Variants in PPAT observed in about 807,000 individuals in gnomAD.
PPAT encodes the protein amidophosphoribosyltransferase.
PPAT carries 20 observed loss-of-function variants against 60.2 expected under a neutral mutation model. That is an observed-to-expected ratio of 0.33 (90% CI 0.23 to 0.48). The LOEUF (loss-of-function observed/expected upper bound fraction) is 0.48. Ranked by LOEUF, PPAT falls within the 20% of genes least tolerant of loss-of-function variation. PPAT has a pLI of 0.99. For synonymous variants in PPAT, 194 were observed against 215.1 expected, an observed-to-expected ratio of 0.90 and a Z score of 0.86; for missense variants, 349 against 629.6, an observed-to-expected ratio of 0.55 and a Z score of 4.77.
intron 1 of PPAT, among the ~76,000 whole-genome samples, chr4:56,414,648 G>A (rs2110049263): frequency 6.6e-6 from 1 of 152,378 alleles, no homozygotes; most frequent in Non-Finnish European, 1.5e-5. Flanking sequence ...AGGTTGGAGA[G>A]AGAGCTTTTC....
chr4:56,409,473 T>A lies in PPAT; in HGVS notation c.129-1757A>T, dbSNP rs575309237. 1.5e-3 allele frequency among the ~76,000 whole-genome samples: 222 copies of A among 147,820 alleles called. 1 individual carries two copies. Among genetic ancestry groups the A allele is most frequent in the Middle Eastern group, 3.5e-3 (1 of 288 alleles). ...GCACTTTTGCTATTAGAAAAAAAAA[T>A]TTTGTTTCTGAAAACCCTCTGCTGA... is the stretch of plus-strand genomic sequence containing the variant. On this transcript the variant is annotated intron_variant, in intron 1 of 10. Transcript: ENST00000264220.
Position 56,422,445 on chromosome 4 carries a change from C to T in PPAT, c.128+12905G>A, listed in dbSNP as rs1364962654. ...ATACAGATAAAAAACAAGGTCTTGA[C>T]ACACATAAAATAATATTCTGGTTTT... On this transcript the variant is annotated intron_variant, in intron 1 of 10. Transcript: ENST00000264220. The T allele has an allele frequency of 3.4e-5, 5 of 147,316 alleles. No individual in the cohort carries two copies. In the East Asian group the frequency reaches 6.0e-4, roughly 18 times the overall value. 9.1% of individuals were successfully genotyped at this position (147,316 alleles called of 1,614,324 possible). A position where few individuals can be genotyped will look rare whatever the true frequency, so the allele number is the denominator to read the frequency against.
At chr4:56,414,353 G>A (rs1009145543) in intron 1 of PPAT, 10 of 152,178 alleles carry the variant, frequency 6.6e-5, no homozygotes, top group African/African-American at 2.4e-4. Context: ...CAAGTAGCCA[G>A]GACCAGAGCC....
At chr4:56,429,540 T>C (rs1489013002) in intron 1 of PPAT, among the ~76,000 whole-genome samples, 2 of 152,238 alleles carry the variant, frequency 1.3e-5, no homozygotes, top group East Asian at 3.9e-4. Context: ...CACATAAGAC[T>C]AATAAGAAAA....
intron 1 of PPAT, chr4:56,422,492 TG>T (rs1190492726): frequency 5.5e-4 from 78 of 141,078 alleles, no homozygotes; most frequent in African/African-American, 1.6e-3. Context: ...CGTGTGTGTG[TG>T]TGTGTGTGTG....
chr4:56,427,133 G>A (rs527628251), intron 1 of PPAT, among the ~76,000 whole-genome samples: 1 of 152,234 alleles, frequency 6.6e-6, no homozygotes, highest in South Asian at 2.1e-4. Flanking sequence ...ATCCATCGAT[G>A]GTTATCTGGG....
At chr4:56,429,366 C>T (rs1201296544) in intron 1 of PPAT, among the ~76,000 whole-genome samples, 1 of 152,028 alleles carries the variant, frequency 6.6e-6, no homozygotes, top group African/African-American at 2.4e-5. Flanking sequence ...GAAAAAAATC[C>T]ACAGTTCTTC....
intron 1 of PPAT, among the ~76,000 whole-genome samples, chr4:56,418,585 C>T (rs567714162): frequency 6.6e-6 from 1 of 152,300 alleles, no homozygotes; most frequent in African/African-American, 2.4e-5. Context: ...CCCCAAAGTA[C>T]TGGGATTACA....
At chr4:56,418,401 C>T (rs1028770054) in intron 1 of PPAT, among the ~76,000 whole-genome samples, 2 of 152,092 alleles carry the variant, frequency 1.3e-5, no homozygotes, top group African/African-American at 4.8e-5. Context: ...CCCATTGCAA[C>T]CTCCACCTCC....
chr4:56,412,028 C>T (rs996083731), intron 1 of PPAT, among the ~76,000 whole-genome samples: 2 of 152,126 alleles, frequency 1.3e-5, no homozygotes, highest in Non-Finnish European at 2.9e-5. Flanking sequence ...TAAACACCTT[C>T]GACTCTTCAT....
intron 1 of PPAT, chr4:56,420,294 T>A (rs1273690771): frequency 1.3e-5 from 2 of 152,324 alleles, no homozygotes; most frequent in Non-Finnish European, 2.9e-5. Context: ...ATTTTGTGCA[T>A]GAAACAAAGT....
At chr4:56,433,391 AT>A (rs1391853190) in intron 1 of PPAT, among the ~76,000 whole-genome samples, 1 of 129,964 alleles carries the variant, frequency 7.7e-6, no homozygotes, top group Non-Finnish European at 1.6e-5. Context: ...ATCAAATGGT[AT>A]TCATTAAAAA....
chr4:56,423,640 G>A (rs1578133289), intron 1 of PPAT, among the ~76,000 whole-genome samples: 1 of 149,888 alleles, frequency 6.7e-6, no homozygotes, highest in Admixed American at 6.8e-5. Flanking sequence ...AGAAGAAAAA[G>A]ATTAAGTCAA....
At position 56,403,073 on chromosome 4, in the gene PPAT, G is replaced by T; in HGVS notation, c.628C>A (p.Arg210Ser). Residue 210 changes from arginine to serine, a missense_variant, in exon 5 of 11, where the codon CGT becomes AGT. Arg to Ser is a moderately radical substitution (Grantham distance 110). Transcript: ENST00000264220. ...TTTATATCAGACACTGGAATAAGACGACCAATGCATAAGGGACGATTTCCA... is the reference window on the plus strand; with the variant it reads ...TTTATATCAGACACTGGAATAAGACTACCAATGCATAAGGGACGATTTCCA... ...PYGNRPLCIG[R>S]LIPVSDINDK... The T allele has an allele frequency of 4.3e-6, 7 of 1,610,814 alleles. No homozygotes were observed. The highest frequency in any genetic ancestry group is 5.9e-6 in the Non-Finnish European group (7 of 1,178,516).
chr4:56,406,494 C>T lies in PPAT; in HGVS notation c.402+1G>A. The T allele has an allele frequency of 6.2e-7, 1 of 1,609,782 alleles. No individual in the cohort carries two copies. The highest frequency in any genetic ancestry group is 8.5e-7 in the Non-Finnish European group (1 of 1,177,804). On this transcript the variant is annotated splice_donor_variant, in intron 3 of 10. Coordinates refer to ENST00000264220, the MANE Select transcript of PPAT (RefSeq NM_002703.5). LOFTEE classifies it high-confidence loss of function. The stretch of plus-strand genomic sequence containing the variant: ...TAGGGAAAACAAACAAACAAACGTA[C>T]CTTTTTCCTTAATCGAGCAGCATTT...
chr4:56,432,331 C>T (rs140129596), intron 1 of PPAT, among the ~76,000 whole-genome samples: 3,859 of 152,118 alleles, frequency 0.025, 153 homozygotes, highest in East Asian at 0.2. Flanking sequence ...AGTTCAAGAC[C>T]AGCCTGGTCA....
rs756070370 is a variant in PPAT at position 56,395,440 on chromosome 4, T to C, written c.1466A>G (p.Glu489Gly). 119 of 1,612,094 alleles carry C rather than the reference T, an allele frequency of 7.4e-5. No homozygotes were observed. The highest frequency in any genetic ancestry group is 1.6e-4 in the Middle Eastern group (1 of 6,068). The change falls in exon 11 of 11, where the codon GAA becomes GGA. Residue 489 changes from glutamate (E) to glycine (G), a missense_variant. Glu to Gly is a moderately conservative substitution (Grantham distance 98). This residue lies in a region of PPAT where 167 missense variants were observed against 328.6 expected (regional missense o/e 0.51). Transcript: ENST00000264220. ...KEKKHDIMIQENGNGLECFEK... is the reference protein window; with the variant it reads ...KEKKHDIMIQGNGNGLECFEK... ...AAAACATTCCAGACCATTTCCATTT[T>C]CTTGGATCATAATATCGTGCTTTTT...
At chr4:56,424,093 G>A (rs529074969) in intron 1 of PPAT, among the ~76,000 whole-genome samples, 2 of 152,232 alleles carry the variant, frequency 1.3e-5, no homozygotes, top group Admixed American at 1.3e-4. Flanking sequence ...ATGAATTTTT[G>A]AAATTGGAGT....
At chr4:56,404,123 A>G (rs1399054672) in intron 3 of PPAT, 1 of 371,654 alleles carries the variant, frequency 2.7e-6, no homozygotes, top group Admixed American at 2.8e-5. Context: ...GGAAATCTAG[A>G]AGATTTTCAA....
Sources: gnomAD v4.1 joint callset for allele counts (sites outside exome capture counted in the v4.1 genomes callset) on GRCh38, gnomAD v4.1.1 for gene constraint, gnomAD v4.1.1 regional missense constraint, MANE v1.5 for transcripts, NCBI Gene and HGNC (gene_info 2026-07-23, HGNC 2026-07-21) for gene names.